Variants in FBXO31 observed in about 807,000 individuals in gnomAD.
The protein encoded by FBXO31 is F-box only protein 31.
Under a neutral mutation model 54.4 loss-of-function variants are expected in FBXO31, and 24 were observed. That is an observed-to-expected ratio of 0.44 (90% CI 0.32 to 0.62). FBXO31 has a LOEUF of 0.62. FBXO31 is among the 20% of genes least tolerant of loss of function. FBXO31 has a pLI of 0.05. For missense variants in FBXO31, 665 were observed against 787.1 expected, an observed-to-expected ratio of 0.84 and a Z score of 1.86; for synonymous variants, 388 against 335.6, an observed-to-expected ratio of 1.16 and a Z score of -1.71.
At position 87,335,521 on chromosome 16, in the gene FBXO31, A is replaced by G; in HGVS notation, c.843-64T>C. On this transcript the variant is annotated intron_variant, in intron 6 of 8. Transcript: ENST00000311635. This position sits in a 1 kb window ranked among gnomAD's most constrained non-coding sequence, Gnocchi z 5.7. Reference sequence around the variant, plus strand: ...GGGCAGGCAGGACTGAGAACGCCCAAGGTGCCAGGGATGAGCTTTGCAGGG... The same window carrying G: ...GGGCAGGCAGGACTGAGAACGCCCAGGGTGCCAGGGATGAGCTTTGCAGGG... 2.1e-6 allele frequency: 2 copies of G among 952,830 alleles called. No individual in the cohort carries two copies. Among genetic ancestry groups the G allele is most frequent in the Non-Finnish European group, 3.0e-6 (2 of 670,830 alleles). The allele number at this position is 952,830 out of a possible 1,614,324, so 59.0% of individuals were successfully genotyped here.
rs754727604 is a variant in FBXO31, at chr16:87,334,050, C to A, written c.1233G>T (p.Ala411=). 1.9e-6 allele frequency: 3 copies of A among 1,612,146 alleles called. No homozygotes were observed. The highest frequency in any genetic ancestry group is 1.7e-6 in the Non-Finnish European group (2 of 1,179,558). Residue 411 remains alanine, a synonymous_variant, in exon 8 of 9, where the codon GCG becomes GCT. Transcript: ENST00000311635. ...QPSPAQPRAE[A]PSKGPDGTPG... ...GTGTCCCATCTGGGCCCTTGCTGGG[C>A]GCCTCTGCCCTGGGCTGGGCAGGGC... is the stretch of plus-strand genomic sequence containing the variant.
chr16:87,372,313 A>T (rs1158062304), intron 1 of FBXO31, among the ~76,000 whole-genome samples: 3 of 152,164 alleles, frequency 2.0e-5, no homozygotes, highest in Admixed American at 2.0e-4. Flanking sequence ...GGTGGATGAT[A>T]TTCAACTTGC....
intron 7 of FBXO31, among the ~76,000 whole-genome samples, chr16:87,334,623 C>G (rs1055603115): frequency 6.6e-6 from 1 of 152,266 alleles, no homozygotes; most frequent in Non-Finnish European, 1.5e-5. Context: ...TGGGAAGATG[C>G]GTCAGCCCCA....
chr16:87,342,077 T>G (rs1319847138), intron 5 of FBXO31, among the ~76,000 whole-genome samples: 3 of 152,172 alleles, frequency 2.0e-5, no homozygotes, highest in Non-Finnish European at 4.4e-5. Flanking sequence ...TTTTTGTTTT[T>G]CCTTTTGAGG....
chr16:87,345,861 C>A lies in FBXO31; in HGVS notation c.489+1313G>T, dbSNP rs1459473795. Among the ~76,000 whole-genome samples the A allele has an allele frequency of 6.6e-6, 1 of 152,146 alleles. No individual in the cohort carries two copies. The highest frequency in any genetic ancestry group is 2.4e-5 in the African/African-American group (1 of 41,440). On this transcript the variant is annotated intron_variant, in intron 3 of 8. Transcript: ENST00000311635. This position sits in a 1 kb window ranked among gnomAD's most constrained non-coding sequence, Gnocchi z 4.9. ...CTGGCACCTGCAGGCTGGAGAGGCA[C>A]ACACGGAGACCAGGTCTACACAGGA...
intron 1 of FBXO31, among the ~76,000 whole-genome samples, chr16:87,378,820 G>A (rs773769495): frequency 3.4e-4 from 52 of 151,984 alleles, no homozygotes; most frequent in Non-Finnish European, 6.9e-4. Flanking sequence ...AATTTAGCAG[G>A]GCACGGTGGC....
upstream of FBXO31, among the ~76,000 whole-genome samples, chr16:87,390,841 C>T (rs1228361636): frequency 2.0e-5 from 3 of 151,986 alleles, no homozygotes; most frequent in African/African-American, 7.2e-5. Flanking sequence ...AAGCGATCCT[C>T]CCAGCCTCTG....
chr16:87,391,934 C>G (rs1246997578), upstream of FBXO31: 1 of 153,862 alleles, frequency 6.5e-6, no homozygotes. Context: ...GCCCCATGTC[C>G]CTTCCTCTGA....
chr16:87,389,281 G>C (rs1273428994), intron 1 of FBXO31, among the ~76,000 whole-genome samples: 1 of 152,188 alleles, frequency 6.6e-6, no homozygotes, highest in Non-Finnish European at 1.5e-5. Context: ...TGTGGCTTTA[G>C]ATTCAAGTTG....
At chr16:87,362,162 A>C (rs1906161727) in intron 1 of FBXO31, among the ~76,000 whole-genome samples, 1 of 152,226 alleles carries the variant, frequency 6.6e-6, no homozygotes, top group African/African-American at 2.4e-5. Context: ...ATGGAAACAC[A>C]ACGTGAGCCA....
chr16:87,345,617 G>A lies in FBXO31; in HGVS notation c.489+1557C>T, dbSNP rs970689503. ...GAGCTCATATCAAACCTGCCCTCCT[G>A]CTGAGACCAGCCACGAAGACTGAAC... On this transcript the variant is annotated intron_variant, in intron 3 of 8. Coordinates refer to ENST00000311635, the MANE Select transcript of FBXO31 (RefSeq NM_024735.5). The surrounding 1 kb of genome is among the most constrained non-coding windows in gnomAD (Gnocchi z 4.9). 6.6e-6 allele frequency among the ~76,000 whole-genome samples: 1 copy of A among 152,158 alleles called. No individual in the cohort carries two copies. Among genetic ancestry groups the A allele is most frequent in the Non-Finnish European group, 1.5e-5 (1 of 68,036 alleles).
intron 2 of FBXO31, among the ~76,000 whole-genome samples, chr16:87,355,556 CTGTT>C (rs1208763085): frequency 6.6e-6 from 1 of 152,176 alleles, no homozygotes; most frequent in African/African-American, 2.4e-5. Flanking sequence ...TGTTTAACTG[CTGTT>C]TTTCATTTTA....
At chr16:87,370,482 C>G (rs889603) in intron 1 of FBXO31, among the ~76,000 whole-genome samples, 59,727 of 152,196 alleles carry the variant, frequency 0.39, 15,538 homozygotes, top group East Asian at 1. Context: ...CCCTGGGGCA[C>G]TCGACACCAG....
At position 87,331,270 on chromosome 16, in the gene FBXO31, C is replaced by T. The variant is rs1346104925; in HGVS notation, c.*18G>A. 7 of 1,607,368 alleles carry T rather than the reference C, an allele frequency of 4.4e-6. No individual in the cohort carries two copies. The highest frequency in any genetic ancestry group is 2.2e-5 in the East Asian group (1 of 44,658). On this transcript the variant is annotated 3_prime_UTR_variant, in exon 9 of 9. Transcript: ENST00000311635. Reference sequence around the variant, plus strand: ...AGCCCCAGAGCCACCCGGGATGTGGCGGCAAGGATGTGGCCGGTCAGGAGG... The same window carrying T: ...AGCCCCAGAGCCACCCGGGATGTGGTGGCAAGGATGTGGCCGGTCAGGAGG...
upstream of FBXO31, among the ~76,000 whole-genome samples, chr16:87,386,757 A>G (rs1311180142): frequency 4.6e-5 from 7 of 152,200 alleles, no homozygotes; most frequent in Non-Finnish European, 1.0e-4. Context: ...AGTATTTGAG[A>G]CATGTAACTA....
chr16:87,380,726 C>T (rs1013354308), intron 1 of FBXO31, among the ~76,000 whole-genome samples: 3 of 152,230 alleles, frequency 2.0e-5, no homozygotes, highest in African/African-American at 7.2e-5. Flanking sequence ...TTTCATTCTA[C>T]ATCACGGTGT....
chr16:87,347,282 G>A (rs976851822), intron 2 of FBXO31, 32 bp from the exon 3 acceptor site: 27 of 1,600,594 alleles, frequency 1.7e-5, no homozygotes, highest in Non-Finnish European at 2.2e-5. Context: ...AAGTCTCTGT[G>A]TTAGACCCAG....
At chr16:87,388,992 C>T (rs1048407047) in intron 1 of FBXO31, among the ~76,000 whole-genome samples, 7 of 152,088 alleles carry the variant, frequency 4.6e-5, no homozygotes, top group African/African-American at 1.7e-4. Context: ...TAATTTACCA[C>T]TCTGAATATT....
At chr16:87,343,492 C>A in intron 4 of FBXO31, 106 bp downstream of exon 4, 1 of 1,382,920 alleles carries the variant, frequency 7.2e-7, no homozygotes, top group Non-Finnish European at 9.8e-7. Context: ...ACCCGCCGAT[C>A]TGCTACAGCC....
Sources: gnomAD v4.1 joint callset for allele counts (sites outside exome capture counted in the v4.1 genomes callset) on GRCh38, gnomAD v4.1.1 for gene constraint, Gnocchi (gnomAD v3.1) non-coding constraint, MANE v1.5 for transcripts, NCBI Gene and HGNC (gene_info 2026-07-23, HGNC 2026-07-21) for gene names.